PPAT: variants seen among roughly 807,000 people sequenced by gnomAD.
PPAT encodes amidophosphoribosyltransferase.
PPAT carries 20 observed loss-of-function variants against 60.2 expected under a neutral mutation model. That is an observed-to-expected ratio of 0.33 (90% CI 0.23 to 0.48). The LOEUF (loss-of-function observed/expected upper bound fraction) is 0.48. Among genes scored for constraint, PPAT ranks in the 20% least tolerant of loss-of-function variants. PPAT has a pLI of 0.99. For synonymous variants in PPAT, 194 were observed against 215.1 expected, an observed-to-expected ratio of 0.90 and a Z score of 0.86; for missense variants, 349 against 629.6, an observed-to-expected ratio of 0.55 and a Z score of 4.77.
intron 1 of PPAT, among the ~76,000 whole-genome samples, chr4:56,428,255 T>C (rs1176245879): frequency 6.6e-6 from 1 of 152,182 alleles, no homozygotes. Context: ...GGTAATCCTT[T>C]AGAAGATGCT....
intron 1 of PPAT, among the ~76,000 whole-genome samples, chr4:56,412,684 G>A (rs1271768601): frequency 6.6e-6 from 1 of 151,858 alleles, no homozygotes. Context: ...TTGATTTTTG[G>A]TCAGTCACTA....
chr4:56,427,963 A>G (rs1033691188), intron 1 of PPAT, among the ~76,000 whole-genome samples: 1 of 152,222 alleles, frequency 6.6e-6, no homozygotes, highest in Non-Finnish European at 1.5e-5. Flanking sequence ...ACTTCTCACT[A>G]AAAGAAATTT....
At chr4:56,417,277 T>A (rs926458768) in intron 1 of PPAT, among the ~76,000 whole-genome samples, 5 of 152,024 alleles carry the variant, frequency 3.3e-5, no homozygotes, top group African/African-American at 4.8e-5. Context: ...ACATTAAATA[T>A]TTGTAACCTA....
Position 56,394,823 on chromosome 4 carries a change from C to A in PPAT, c.*529G>T, listed in dbSNP as rs1161644662. On this transcript the variant is annotated 3_prime_UTR_variant, in exon 11 of 11. Transcript: ENST00000264220. ...TTCTTATTAATTATTTAATAAGTAT[C>A]CCATTGCACATGTGGGGAAACTGAG... 6.7e-6 allele frequency: 1 copy of A among 149,736 alleles called. No individual in the cohort carries two copies. The highest frequency in any genetic ancestry group is 2.5e-5 in the African/African-American group (1 of 39,920). 9.3% of individuals were successfully genotyped at this position (149,736 alleles called of 1,614,324 possible). A position where few individuals can be genotyped will look rare whatever the true frequency, so the allele number is the denominator to read the frequency against.
intron 3 of PPAT, chr4:56,404,250 T>A (rs3822000): frequency 3.8e-6 from 1 of 261,108 alleles, no homozygotes; most frequent in African/African-American, 2.2e-5. Flanking sequence ...GGTCTGACAT[T>A]TTCTACCCTC....
At chr4:56,422,357 C>T (rs1039572558) in intron 1 of PPAT, 1 of 152,054 alleles carries the variant, frequency 6.6e-6, no homozygotes, top group Non-Finnish European at 1.5e-5. Flanking sequence ...TATGTTCATA[C>T]AGTCATTGCT....
chr4:56,419,683 G>A (rs973846600), intron 1 of PPAT: 58 of 983,484 alleles, frequency 5.9e-5, no homozygotes, highest in East Asian at 1.1e-4. Context: ...AATGAAGGAG[G>A]AAAGCACTGG....
intron 1 of PPAT, among the ~76,000 whole-genome samples, chr4:56,408,667 C>T (rs1260110956): frequency 2.1e-5 from 3 of 145,684 alleles, no homozygotes; most frequent in African/African-American, 7.6e-5. Flanking sequence ...GGCAGGAGAA[C>T]GGCGTGAACC....
At chr4:56,407,526 C>A in intron 2 of PPAT, 124 bp downstream of exon 2, 1 of 692,532 alleles carries the variant, frequency 1.4e-6, no homozygotes, top group South Asian at 1.6e-5. Context: ...CCATGTTGGT[C>A]AGGCTGGTCT....
intron 1 of PPAT, chr4:56,431,398 A>G: frequency 1.2e-5 from 12 of 972,084 alleles, no homozygotes; most frequent in Non-Finnish European, 1.5e-5. Flanking sequence ...TTCCAGTGGT[A>G]ATGTTCTGTA....
chr4:56,435,345 C>G lies in PPAT; in HGVS notation c.128+5G>C. On this transcript the variant is annotated splice_donor_5th_base_variant and intron_variant, in intron 1 of 10. Transcript: ENST00000264220. The stretch of plus-strand genomic sequence containing the variant: ...CGCCCCCGCCACCCCCACCCTGTTG[C>G]TCACCGGTGCTGCAGCCCCACGAGT... 1.2e-6 allele frequency: 2 copies of G among 1,613,498 alleles called. No homozygotes were observed. Among genetic ancestry groups the G allele is most frequent in the Non-Finnish European group, 1.7e-6 (2 of 1,179,618 alleles).
intron 1 of PPAT, among the ~76,000 whole-genome samples, chr4:56,432,994 A>ATT (rs1232926982): frequency 1.4e-5 from 2 of 144,186 alleles, no homozygotes; most frequent in Non-Finnish European, 3.0e-5. Flanking sequence ...ACACACACGT[A>ATT]TTTTATATAT....
At chr4:56,421,692 T>G (rs1463036428) in intron 1 of PPAT, 1 of 152,252 alleles carries the variant, frequency 6.6e-6, no homozygotes, top group Non-Finnish European at 1.5e-5. Flanking sequence ...AATATTTCGC[T>G]GGTGGACAAG....
chr4:56,411,487 T>C (rs1320167550), intron 1 of PPAT, among the ~76,000 whole-genome samples: 1 of 152,198 alleles, frequency 6.6e-6, no homozygotes, highest in African/African-American at 2.4e-5. Flanking sequence ...GATCTGAGAC[T>C]AAGTGATTTA....
intron 1 of PPAT, among the ~76,000 whole-genome samples, chr4:56,429,861 T>C (rs1717492075): frequency 6.6e-6 from 1 of 152,230 alleles, no homozygotes; most frequent in Admixed American, 6.5e-5. Flanking sequence ...ATTCATACTA[T>C]ATGTACTTTT....
At chr4:56,419,977 G>A (rs1716957500) in intron 1 of PPAT, 6 of 985,110 alleles carry the variant, frequency 6.1e-6, no homozygotes, top group African/African-American at 1.7e-5. Context: ...GAAAAATCAC[G>A]AGACCAGGAA....
intron 3 of PPAT, among the ~76,000 whole-genome samples, chr4:56,405,963 C>T (rs1284674495): frequency 6.6e-6 from 1 of 152,140 alleles, no homozygotes; most frequent in Non-Finnish European, 1.5e-5. Flanking sequence ...GAGCCCTTAA[C>T]TTCTGGGACT....
intron 1 of PPAT, among the ~76,000 whole-genome samples, chr4:56,419,428 G>A (rs923009298): frequency 5.9e-5 from 9 of 152,042 alleles, no homozygotes; most frequent in African/African-American, 1.4e-4. Flanking sequence ...GCCAGTAACC[G>A]GCATAATAAT....
rs146744340 is a variant in PPAT at position 56,413,162 on chromosome 4, T to C, written c.129-5446A>G. 5.9e-5 allele frequency among the ~76,000 whole-genome samples: 9 copies of C among 152,204 alleles called. No homozygotes were observed. In the East Asian group the frequency reaches 1.4e-3, roughly 23 times the overall value. On this transcript the variant is annotated intron_variant, in intron 1 of 10. Transcript: ENST00000264220. ...TTGTCTTGTTTTTGGTTTTTGGTTT[T>C]GTTTTGTTTTGTTTTAAGACAGAGT... is the stretch of plus-strand genomic sequence containing the variant.
Sources: gnomAD v4.1 joint callset for allele counts (sites outside exome capture counted in the v4.1 genomes callset) on GRCh38, gnomAD v4.1.1 for gene constraint, MANE v1.5 for transcripts, NCBI Gene and HGNC (gene_info 2026-07-23, HGNC 2026-07-21) for gene names.